ZNF366: variants seen among roughly 807,000 people sequenced by gnomAD.
ZNF366 encodes the protein zinc finger protein 366.
ZNF366 carries 20 observed loss-of-function variants against 47.2 expected under a neutral mutation model. That is an observed-to-expected ratio of 0.42 (90% CI 0.30 to 0.62). The LOEUF (loss-of-function observed/expected upper bound fraction) is 0.62. Among genes scored for constraint, ZNF366 ranks in the 20% least tolerant of loss-of-function variants. The probability of loss-of-function intolerance (pLI) is 0.16; values close to 1 mark genes in which losing one functional copy is unlikely to be tolerated. For missense variants in ZNF366, 987 were observed against 976.3 expected (o/e 1.01, Z -0.15); for synonymous variants, 421 against 395.1 (o/e 1.07, Z -0.78).
rs529612824 is a variant in ZNF366, at chr5:72,444,199, G to A, written c.1792C>T (p.Arg598Trp). The part of the protein sequence containing the change: ...EEPFDLSQKR[R>W]AKVPVFQSDG... Reference sequence around the variant, plus strand: ...GACTGGAACACCGGCACCTTGGCCCGGCGCTTCTGAGAGAGGTCAAAGGGC... The same window carrying A: ...GACTGGAACACCGGCACCTTGGCCCAGCGCTTCTGAGAGAGGTCAAAGGGC... The change falls in exon 5 of 5, where the codon CGG becomes TGG. Residue 598 changes from arginine (R) to tryptophan (W), a missense_variant. Arg to Trp is a moderately radical substitution (Grantham distance 101, BLOSUM62 -3). Transcript: ENST00000318442. 23 of 1,613,388 alleles carry A rather than the reference G, an allele frequency of 1.4e-5. 1 individual carries two copies. Among genetic ancestry groups the A allele is most frequent in the South Asian group, 7.7e-5 (7 of 91,078 alleles).
intron 4 of ZNF366, among the ~76,000 whole-genome samples, chr5:72,445,692 T>A (rs941365763): frequency 6.6e-6 from 1 of 152,172 alleles, no homozygotes; most frequent in Non-Finnish European, 1.5e-5. Context: ...ATGCTTTCAG[T>A]TGGAGTGTGG....
intron 1 of ZNF366, among the ~76,000 whole-genome samples, chr5:72,494,720 C>T (rs1444250163): frequency 6.6e-6 from 1 of 151,506 alleles, no homozygotes; most frequent in Non-Finnish European, 1.5e-5. Flanking sequence ...TGCTTCTGCA[C>T]TGAGACTGAA....
chr5:72,472,515 T>C, intron 1 of ZNF366: 1 of 984,806 alleles, frequency 1.0e-6, no homozygotes. Context: ...AGAGGAAGAA[T>C]TTGGGGACTT....
At position 72,460,282 on chromosome 5, in the gene ZNF366, C is replaced by G; in HGVS notation, c.1215G>C (p.Pro405=). ...CSECDKTFQY[P]SQLQNHMMKH... The stretch of plus-strand genomic sequence containing the variant: ...TCATCATGTGGTTCTGCAGCTGGCT[C>G]GGGTACTGGAAGGTCTTGTCGCACT... Residue 405 remains proline (P), a synonymous_variant, in exon 2 of 5, where the codon CCG becomes CCC. Transcript: ENST00000318442. 2 of 1,614,184 alleles carry G rather than the reference C, an allele frequency of 1.2e-6. No individual in the cohort carries two copies. The highest frequency in any genetic ancestry group is 1.3e-5 in the African/African-American group (1 of 75,056).
At chr5:72,486,447 A>G (rs1028579778) in intron 1 of ZNF366, among the ~76,000 whole-genome samples, 4 of 152,110 alleles carry the variant, frequency 2.6e-5, no homozygotes, top group Non-Finnish European at 5.9e-5. Flanking sequence ...GGATTCAGGG[A>G]GGGTCTAACT....
Position 72,460,153 on chromosome 5 carries a change from G to T in ZNF366, c.1332+12C>A. ...CAAGGCCCCGTCCGCCCCACCAGAGGCCCCGCAGTACCTTGTGGGTGAGGG... is the reference window on the plus strand; with the variant it reads ...CAAGGCCCCGTCCGCCCCACCAGAGTCCCCGCAGTACCTTGTGGGTGAGGG... On this transcript the variant is annotated intron_variant, in intron 2 of 4. Coordinates refer to ENST00000318442, the MANE Select transcript of ZNF366 (RefSeq NM_152625.3). 1 of 1,611,486 alleles carries T rather than the reference G, an allele frequency of 6.2e-7. No homozygotes were observed. The highest frequency in any genetic ancestry group is 8.5e-7 in the Non-Finnish European group (1 of 1,178,350).
intron 1 of ZNF366, among the ~76,000 whole-genome samples, chr5:72,504,532 T>C (rs1468106507): frequency 6.6e-6 from 1 of 152,220 alleles, no homozygotes; most frequent in African/African-American, 2.4e-5. Context: ...TTCGTGAAGA[T>C]GAATATCAAT....
chr5:72,463,529 G>C (rs1743373628), intron 1 of ZNF366, among the ~76,000 whole-genome samples: 1 of 152,194 alleles, frequency 6.6e-6, no homozygotes, highest in Non-Finnish European at 1.5e-5. Flanking sequence ...GGCCCAGCCT[G>C]TGTCTTAGCT....
chr5:72,504,046 TGCACACACGCAC>T (rs772887784), intron 1 of ZNF366, among the ~76,000 whole-genome samples: 43 of 151,456 alleles, frequency 2.8e-4, no homozygotes, highest in Admixed American at 4.6e-4. Context: ...CACACACACA[TGCACACACGCAC>T]GCACACACGC....
At chr5:72,444,374 G>A (rs867335042) in intron 4 of ZNF366, 83 bp from the exon 5 acceptor site, 14 of 1,447,908 alleles carry the variant, frequency 9.7e-6, no homozygotes, top group Admixed American at 2.2e-5. Flanking sequence ...GCCCGGGGCC[G>A]TTTAATGTAT....
At chr5:72,504,882 G>A (rs1708342739) in intron 1 of ZNF366, among the ~76,000 whole-genome samples, 1 of 152,046 alleles carries the variant, frequency 6.6e-6, no homozygotes, top group Non-Finnish European at 1.5e-5. Flanking sequence ...TTACATTTGG[G>A]GACACTGAGA....
chr5:72,502,339 A>G (rs1364263368), intron 1 of ZNF366, among the ~76,000 whole-genome samples: 4 of 152,238 alleles, frequency 2.6e-5, no homozygotes, highest in Non-Finnish European at 2.9e-5. Context: ...TGAATAGTCT[A>G]AAAGAACAGC....
chr5:72,472,623 G>A (rs1049587795), intron 1 of ZNF366: 3 of 931,092 alleles, frequency 3.2e-6, no homozygotes, highest in Non-Finnish European at 3.8e-6. Context: ...AGAAGAATCG[G>A]TTAGAAAGAT....
chr5:72,450,269 C>T (rs1222474042), intron 3 of ZNF366, among the ~76,000 whole-genome samples: 1 of 152,160 alleles, frequency 6.6e-6, no homozygotes, highest in Non-Finnish European at 1.5e-5. Context: ...GCTGCCACAC[C>T]TTCTGGGACC....
intron 2 of ZNF366, 119 bp from the exon 3 acceptor site, chr5:72,456,714 T>C: frequency 9.7e-7 from 1 of 1,032,424 alleles, no homozygotes; most frequent in Non-Finnish European, 1.4e-6. Context: ...TGATAGATGT[T>C]GAGTTTCAAA....
chr5:72,452,455 G>T (rs942007603), intron 3 of ZNF366, among the ~76,000 whole-genome samples: 5 of 152,182 alleles, frequency 3.3e-5, no homozygotes, highest in Non-Finnish European at 7.4e-5. Flanking sequence ...CTGCCAAAAG[G>T]CTGCTATCTG....
chr5:72,470,793 A>T (rs570347460), intron 1 of ZNF366, among the ~76,000 whole-genome samples: 1 of 152,284 alleles, frequency 6.6e-6, no homozygotes, highest in Non-Finnish European at 1.5e-5. Flanking sequence ...TGCCAAGAAC[A>T]TCTCCCATGA....
chr5:72,477,987 G>T (rs764681595), intron 1 of ZNF366, among the ~76,000 whole-genome samples: 8 of 151,930 alleles, frequency 5.3e-5, no homozygotes, highest in Non-Finnish European at 8.8e-5. Context: ...CTTATATAAT[G>T]GCCTTCTGGA....
intron 1 of ZNF366, among the ~76,000 whole-genome samples, chr5:72,474,962 G>A (rs943649801): frequency 6.6e-6 from 1 of 152,060 alleles, no homozygotes; most frequent in Non-Finnish European, 1.5e-5. Context: ...AAGAAAGGAG[G>A]GGTAGCATAA....
Sources: allele counts gnomAD v4.1 joint callset (sites outside exome capture counted in the v4.1 genomes callset), GRCh38; gene constraint gnomAD v4.1.1; transcripts MANE v1.5; gene names NCBI Gene and HGNC (gene_info 2026-07-23, HGNC 2026-07-21).